RALGAPA1: variants seen among roughly 807,000 people sequenced by gnomAD.
The protein encoded by RALGAPA1 is ral GTPase-activating protein subunit alpha-1.
RALGAPA1 carries 52 observed loss-of-function variants against 269.6 expected under a neutral mutation model. The observed-to-expected ratio is 0.19, with a 90% CI of 0.15 to 0.24. RALGAPA1 has a LOEUF of 0.24. Among genes scored for constraint, RALGAPA1 ranks in the 10% least tolerant of loss-of-function variants. The pLI, the probability that RALGAPA1 is intolerant of heterozygous loss-of-function variation, is 1.00. For missense variants in RALGAPA1, 1,917 were observed against 3,013.9 expected (o/e 0.64, Z 8.52); for synonymous variants, 817 against 1,008.3 (o/e 0.81, Z 3.60).
At chr14:35,665,218 T>A (rs898017089) in intron 26 of RALGAPA1, among the ~76,000 whole-genome samples, 1 of 152,202 alleles carries the variant, frequency 6.6e-6, no homozygotes, top group African/African-American at 2.4e-5. Context: ...AGATGGCTTT[T>A]ATGATATTAT....
chr14:35,666,908 G>A (rs925371988), intron 26 of RALGAPA1, among the ~76,000 whole-genome samples: 10 of 152,018 alleles, frequency 6.6e-5, no homozygotes, highest in Admixed American at 6.5e-5. Flanking sequence ...AAATGACATT[G>A]GTTTATATAT....
chr14:35,766,060 G>A, intron 4 of RALGAPA1: 5 of 1,328,458 alleles, frequency 3.8e-6, no homozygotes, highest in Non-Finnish European at 5.4e-6. Context: ...TCAGGTGGGA[G>A]TGCAGTTGCC....
intron 22 of RALGAPA1, chr14:35,676,589 A>T (rs1054631448): frequency 6.6e-6 from 1 of 152,328 alleles, no homozygotes; most frequent in East Asian, 1.9e-4. Context: ...AGGACTTACG[A>T]CTATAGACTA....
At chr14:35,721,936 T>C (rs1479968096) in intron 15 of RALGAPA1, 87 bp from the exon 16 acceptor site, 4 of 1,121,314 alleles carry the variant, frequency 3.6e-6, no homozygotes, top group Middle Eastern at 2.1e-4. Flanking sequence ...CTCAGAGTCT[T>C]AGGTTTGCTC....
chr14:35,545,495 C>T (rs2054374169), intron 41 of RALGAPA1, among the ~76,000 whole-genome samples: 1 of 151,398 alleles, frequency 6.6e-6, no homozygotes, highest in Non-Finnish European at 1.5e-5. Context: ...TAAATAGGAA[C>T]CCCTATATTC....
In RALGAPA1 at chr14:35,728,479, A is replaced by C; in HGVS notation, c.1619T>G (p.Leu540Arg). 1 of 1,606,718 alleles carries C rather than the reference A, an allele frequency of 6.2e-7. No homozygotes were observed. The highest frequency in any genetic ancestry group is 1.1e-5 in the South Asian group (1 of 88,854). The part of the protein sequence containing the change: ...VFIINSSNIF[L>R]LEPANEIKNL... ...TTTTATTTCATTTGCAGGTTCAAGA[A>C]GAAATATATTTGATGAGTTTATAAT... is the stretch of plus-strand genomic sequence containing the variant. The change falls in exon 13 of 42, where the codon CTT becomes CGT. Residue 540 changes from leucine (L) to arginine (R), a missense_variant. Transcript: ENST00000680220.
intron 41 of RALGAPA1, among the ~76,000 whole-genome samples, chr14:35,546,048 T>G (rs1394662253): frequency 6.6e-6 from 1 of 151,982 alleles, no homozygotes; most frequent in Non-Finnish European, 1.5e-5. Context: ...TTTAACGTAG[T>G]TATGAAAGAT....
intron 1 of RALGAPA1, among the ~76,000 whole-genome samples, chr14:35,787,279 G>GA (rs1173076614): frequency 6.6e-6 from 1 of 152,200 alleles, no homozygotes; most frequent in East Asian, 1.9e-4. Context: ...ATATAAGCAA[G>GA]AACGGGTAAT....
chr14:35,587,814 A>G (rs1183980475), intron 37 of RALGAPA1, among the ~76,000 whole-genome samples: 1 of 152,212 alleles, frequency 6.6e-6, no homozygotes, highest in Admixed American at 6.5e-5. Context: ...ACATGTATAC[A>G]TATGTAACAA....
chr14:35,553,264 T>C (rs998326419), intron 39 of RALGAPA1, among the ~76,000 whole-genome samples: 4 of 152,180 alleles, frequency 2.6e-5, no homozygotes, highest in African/African-American at 9.7e-5. Flanking sequence ...CCTGTATTCA[T>C]GTGCAAGAAC....
chr14:35,707,813 T>C lies in RALGAPA1; in HGVS notation c.2267-7511A>G, dbSNP rs115678355. 5.4e-3 allele frequency among the ~76,000 whole-genome samples: 824 copies of C among 152,316 alleles called. 7 individuals are homozygous for C. Among genetic ancestry groups the C allele is most frequent in the African/African-American group, 0.019 (777 of 41,572 alleles). On this transcript the variant is annotated intron_variant, in intron 16 of 41. Coordinates refer to ENST00000680220, the MANE Select transcript of RALGAPA1 (RefSeq NM_001346249.2). ...TGTTCAGATTATCTAGTTCTTCTTG[T>C]ATGAGTTTTGGTAGATTGTACCTTT...
intron 1 of RALGAPA1, among the ~76,000 whole-genome samples, chr14:35,778,053 C>T (rs769343995): frequency 4.0e-5 from 6 of 150,278 alleles, no homozygotes; most frequent in East Asian, 2.1e-4. Context: ...TCATATCCTA[C>T]GAATATTCAT....
At chr14:35,669,244 G>A (rs948506389) in intron 26 of RALGAPA1, among the ~76,000 whole-genome samples, 5 of 151,742 alleles carry the variant, frequency 3.3e-5, no homozygotes, top group Non-Finnish European at 4.4e-5. Flanking sequence ...AATCCTATAC[G>A]GCAGGTTATC....
At chr14:35,697,907 T>A (rs1045225217) in intron 17 of RALGAPA1, among the ~76,000 whole-genome samples, 1 of 152,224 alleles carries the variant, frequency 6.6e-6, no homozygotes, top group African/African-American at 2.4e-5. Flanking sequence ...ACTGTAATTA[T>A]GCTTTTATAT....
chr14:35,656,005 A>G (rs1420337647), intron 28 of RALGAPA1, 90 bp from the exon 29 acceptor site: 1 of 1,586,772 alleles, frequency 6.3e-7, no homozygotes, highest in East Asian at 2.3e-5. Flanking sequence ...ATGAACATGC[A>G]CTATTTTAAA....
intron 16 of RALGAPA1, among the ~76,000 whole-genome samples, chr14:35,718,684 C>T (rs10151790): frequency 0.13 from 19,925 of 151,780 alleles, 1,336 homozygotes; most frequent in African/African-American, 0.14. Context: ...GGCGTGGTGG[C>T]ATGTGTCTGT....
At chr14:35,599,520 G>A (rs945156510) in intron 36 of RALGAPA1, among the ~76,000 whole-genome samples, 8 of 152,112 alleles carry the variant, frequency 5.3e-5, no homozygotes, top group African/African-American at 1.7e-4. Flanking sequence ...GGAGGTGGGA[G>A]GATTGCCTGA....
chr14:35,645,685 G>A (rs1241519411), intron 31 of RALGAPA1, among the ~76,000 whole-genome samples: 4 of 149,716 alleles, frequency 2.7e-5, no homozygotes, highest in Admixed American at 6.7e-5. Context: ...AGCCGAGATC[G>A]CGCCGGGGCA....
At chr14:35,671,303 A>G (rs987106796) in intron 26 of RALGAPA1, 86 bp downstream of exon 26, 1 of 1,260,672 alleles carries the variant, frequency 7.9e-7, no homozygotes, top group Non-Finnish European at 1.1e-6. Flanking sequence ...AAATTTCCTG[A>G]TTATCAGCTT....
Sources: allele counts gnomAD v4.1 joint callset (sites outside exome capture counted in the v4.1 genomes callset), GRCh38; gene constraint gnomAD v4.1.1; transcripts MANE v1.5; gene names NCBI Gene and HGNC (gene_info 2026-07-23, HGNC 2026-07-21).